CPPED1: variants seen among roughly 807,000 people sequenced by gnomAD.
CPPED1 encodes calcineurin like phosphoesterase domain containing 1, also known as serine/threonine-protein phosphatase CPPED1.
Under a neutral mutation model 28.0 loss-of-function variants are expected in CPPED1, and 28 were observed. The observed-to-expected ratio is 1.00, with a 90% confidence interval of 0.74 to 1.37. The LOEUF (loss-of-function observed/expected upper bound fraction) is 1.37. Ranked by LOEUF, CPPED1 falls within the 40% of genes most tolerant of loss-of-function variation. CPPED1 has a pLI of 0.00. For missense variants in CPPED1, 504 were observed against 416.5 expected (o/e 1.21, Z -1.83); for synonymous variants, 198 against 180.2 (o/e 1.10, Z -0.79).
chr16:12,745,493 A>C (rs1253819380), intron 2 of CPPED1, among the ~76,000 whole-genome samples: 1 of 152,222 alleles, frequency 6.6e-6, no homozygotes, highest in Non-Finnish European at 1.5e-5. Flanking sequence ...CACAGCTATA[A>C]AAAAAGGAAC....
intron 2 of CPPED1, among the ~76,000 whole-genome samples, chr16:12,733,790 G>C (rs2080211756): frequency 6.6e-6 from 1 of 152,182 alleles, no homozygotes; most frequent in Non-Finnish European, 1.5e-5. Flanking sequence ...GCTGCCTCTA[G>C]AAGTGAGCAA....
intron 1 of CPPED1, among the ~76,000 whole-genome samples, chr16:12,784,219 G>C (rs1006271745): frequency 2.6e-5 from 4 of 152,172 alleles, no homozygotes; most frequent in Non-Finnish European, 5.9e-5. Context: ...GGAACAGAGG[G>C]AAACCTCTGG....
intron 2 of CPPED1, chr16:12,760,345 T>C (rs554351762): frequency 8.5e-5 from 13 of 152,260 alleles, no homozygotes; most frequent in Admixed American, 6.5e-4. Context: ...TGATGATAAT[T>C]GATTGCTAAC....
At chr16:12,679,061 T>C (rs919487203) in intron 3 of CPPED1, among the ~76,000 whole-genome samples, 1 of 152,212 alleles carries the variant, frequency 6.6e-6, no homozygotes, top group African/African-American at 2.4e-5. Context: ...ATTTGAGAGT[T>C]TGATCAGTGA....
intron 2 of CPPED1, 188 bp downstream of exon 2, chr16:12,780,997 G>C: frequency 1.7e-6 from 1 of 592,430 alleles, no homozygotes; most frequent in African/African-American, 1.9e-5. Context: ...GATTAATCTC[G>C]CCAAACTCTA....
intron 1 of CPPED1, among the ~76,000 whole-genome samples, chr16:12,794,851 C>T (rs1300198114): frequency 2.0e-5 from 3 of 152,188 alleles, no homozygotes; most frequent in South Asian, 2.1e-4. Context: ...GGCTTGGCTG[C>T]CACAATGGCC....
chr16:12,717,651 T>C (rs996128922), intron 2 of CPPED1, among the ~76,000 whole-genome samples: 4 of 152,016 alleles, frequency 2.6e-5, no homozygotes, highest in Non-Finnish European at 4.4e-5. Context: ...ATAATAATTA[T>C]TATTTTTGAG....
At chr16:12,783,380 T>A (rs1407475444) in intron 1 of CPPED1, among the ~76,000 whole-genome samples, 1 of 152,092 alleles carries the variant, frequency 6.6e-6, no homozygotes, top group East Asian at 1.9e-4. Flanking sequence ...ATCCCTATAG[T>A]CTCAGCTACT....
intron 2 of CPPED1, among the ~76,000 whole-genome samples, chr16:12,739,357 A>C (rs2080242649): frequency 6.6e-6 from 1 of 152,090 alleles, no homozygotes; most frequent in Non-Finnish European, 1.5e-5. Flanking sequence ...AGGCGGGTGG[A>C]TCACCTGAGG....
In CPPED1 at chr16:12,662,936, A is replaced by C. The variant is rs1021349754; in HGVS notation, c.*1950T>G. 1 of 152,212 alleles carries C rather than the reference A, an allele frequency of 6.6e-6. No individual in the cohort carries two copies. Among genetic ancestry groups the C allele is most frequent in the Admixed American group, 6.5e-5 (1 of 15,272 alleles). The allele number at this position is 152,212 out of a possible 1,614,324, so 9.4% of individuals were successfully genotyped here. On this transcript the variant is annotated 3_prime_UTR_variant, in exon 4 of 4. Coordinates refer to ENST00000381774, the MANE Select transcript of CPPED1 (RefSeq NM_018340.3). ...TGTGCCACAATTCAGAGCATTGTGC[A>C]TACGTAAGAACAGAGTGAGAGCTCC...
At chr16:12,762,942 T>G (rs1439943615) in intron 2 of CPPED1, among the ~76,000 whole-genome samples, 2 of 151,588 alleles carry the variant, frequency 1.3e-5, no homozygotes, top group African/African-American at 4.8e-5. Flanking sequence ...AGAAATGAAG[T>G]CTTGCGCCGG....
In CPPED1 at chr16:12,713,978, C is replaced by G. The variant is rs561806413; in HGVS notation, c.290-8929G>C. Among the ~76,000 whole-genome samples, 44 of 152,274 alleles carry G rather than the reference C, an allele frequency of 2.9e-4. No individual in the cohort carries two copies. The South Asian group carries it at 8.3e-3, about 29-fold the overall frequency. Reference sequence around the variant, plus strand: ...ACCCTAATTCTAAGCAATCACTAATCTACCTTCTATAGATTTCTCCACTCC... The same window carrying G: ...ACCCTAATTCTAAGCAATCACTAATGTACCTTCTATAGATTTCTCCACTCC... On this transcript the variant is annotated intron_variant, in intron 2 of 3. Transcript: ENST00000381774.
chr16:12,722,097 G>A (rs71388729), intron 2 of CPPED1, among the ~76,000 whole-genome samples: 4,086 of 152,134 alleles, frequency 0.027, 89 homozygotes, highest in East Asian at 0.066. Flanking sequence ...CTGAAGGCAC[G>A]GCAACTCAAA....
chr16:12,740,032 AAGAAAAGAAAAGAAAAGAAAAGGAAGG>A (rs899877213), intron 2 of CPPED1, among the ~76,000 whole-genome samples: 4 of 151,894 alleles, frequency 2.6e-5, no homozygotes, highest in African/African-American at 9.7e-5. Context: ...AAAGAAAGAA[AAGAAAAGAAAAGAAAAGAAAAGGAAGG>A]AGAAAAGAAA....
chr16:12,777,788 C>A (rs1376539199), intron 2 of CPPED1, among the ~76,000 whole-genome samples: 2 of 150,876 alleles, frequency 1.3e-5, no homozygotes, highest in African/African-American at 4.9e-5. Flanking sequence ...GTAATTGGCA[C>A]TTAGTTTGCA....
At chr16:12,794,277 T>G (rs558443670) in intron 1 of CPPED1, among the ~76,000 whole-genome samples, 1 of 152,284 alleles carries the variant, frequency 6.6e-6, no homozygotes, top group African/African-American at 2.4e-5. Flanking sequence ...ATTGTGATGG[T>G]TGTACACCTC....
intron 1 of CPPED1, among the ~76,000 whole-genome samples, chr16:12,801,987 C>G (rs1423828729): frequency 2.6e-5 from 4 of 152,134 alleles, no homozygotes; most frequent in South Asian, 2.1e-4. Flanking sequence ...GACAGCCAGG[C>G]GAGGCAACCC....
chr16:12,771,003 T>C (rs2080467683), intron 2 of CPPED1, among the ~76,000 whole-genome samples: 1 of 152,178 alleles, frequency 6.6e-6, no homozygotes, highest in South Asian at 2.1e-4. Flanking sequence ...ATTTTAAATA[T>C]AGATTTTAAA....
At chr16:12,797,806 C>T (rs1467814820) in intron 1 of CPPED1, among the ~76,000 whole-genome samples, 1 of 152,034 alleles carries the variant, frequency 6.6e-6, no homozygotes, top group Non-Finnish European at 1.5e-5. Flanking sequence ...GGCCAGCAGA[C>T]CATGGGTTGG....
Sources: gnomAD v4.1 joint callset for allele counts (sites outside exome capture counted in the v4.1 genomes callset) on GRCh38, gnomAD v4.1.1 for gene constraint, MANE v1.5 for transcripts, NCBI Gene and HGNC (gene_info 2026-07-23, HGNC 2026-07-21) for gene names.